BMERB1: variants seen among roughly 807,000 people sequenced by gnomAD.
BMERB1 encodes bMERB domain containing 1.
Under a neutral mutation model 23.6 loss-of-function variants are expected in BMERB1, and 12 were observed. The ratio of observed to expected loss-of-function variants is 0.51; its 90% CI spans 0.33 to 0.82. The LOEUF is 0.82. Ranked by LOEUF, BMERB1 falls within the 40% of genes least tolerant of loss-of-function variation. The pLI is 0.03. For missense variants in BMERB1, 247 were observed against 255.4 expected (o/e 0.97, Z 0.22); for synonymous variants, 122 against 96.6 (o/e 1.26, Z -1.54).
intron 2 of BMERB1, among the ~76,000 whole-genome samples, chr16:15,554,925 C>G (rs2030210726): frequency 6.6e-6 from 1 of 152,106 alleles, no homozygotes; most frequent in Admixed American, 6.6e-5. Context: ...CTCGGCCTCC[C>G]AAAGTGCTGG....
At chr16:15,534,286 CAAAAAAAAAAA>C (rs1168488547) in intron 2 of BMERB1, among the ~76,000 whole-genome samples, 9 of 41,962 alleles carry the variant, frequency 2.1e-4, no homozygotes, top group East Asian at 4.3e-3. Flanking sequence ...TTTTTAATTG[CAAAAAAAAAAA>C]AAAAAAAAAA....
At chr16:15,558,714 G>A (rs2030337557) in intron 2 of BMERB1, among the ~76,000 whole-genome samples, 1 of 151,938 alleles carries the variant, frequency 6.6e-6, no homozygotes, top group African/African-American at 2.4e-5. Context: ...AAGCCGGTGG[G>A]GGGGTTAGGT....
intron 2 of BMERB1, among the ~76,000 whole-genome samples, chr16:15,542,672 GATAAGATACAT>G (rs2052097892): frequency 7.3e-6 from 1 of 136,404 alleles, no homozygotes; most frequent in African/African-American, 2.9e-5. Flanking sequence ...GAGCAGATGA[GATAAGATACAT>G]AAAAAAGATA....
chr16:15,474,157 C>A (rs1482770165), intron 1 of BMERB1, among the ~76,000 whole-genome samples: 1 of 150,152 alleles, frequency 6.7e-6, no homozygotes, highest in African/African-American at 2.4e-5. Flanking sequence ...CTTTCTGAAT[C>A]CATTCAAGAT....
intron 2 of BMERB1, among the ~76,000 whole-genome samples, chr16:15,548,832 G>A (rs961818134): frequency 6.6e-6 from 1 of 152,194 alleles, no homozygotes; most frequent in African/African-American, 2.4e-5. Flanking sequence ...ACTCTGATGG[G>A]AATTGCCAGT....
chr16:15,465,172 G>A (rs2051170231), intron 1 of BMERB1, among the ~76,000 whole-genome samples: 1 of 151,916 alleles, frequency 6.6e-6, no homozygotes, highest in Non-Finnish European at 1.5e-5. Context: ...ATCTGAATAA[G>A]GTCAGTTATG....
At chr16:15,550,711 C>T (rs2030064403) in intron 2 of BMERB1, among the ~76,000 whole-genome samples, 1 of 152,070 alleles carries the variant, frequency 6.6e-6, no homozygotes, top group African/African-American at 2.4e-5. Context: ...AAGATGACAG[C>T]CTGGTATATC....
Position 15,537,004 on chromosome 16 carries a change from TG to T in BMERB1, c.230+21577del, listed in dbSNP as rs2052031728. 3.9e-5 allele frequency: 6 copies of T among 152,336 alleles called. No individual in the cohort carries two copies. In the South Asian group the frequency reaches 1.2e-3, roughly 32 times the overall value. The allele number at this position is 152,336 out of a possible 1,614,324, so 9.4% of individuals were successfully genotyped here. A position where few individuals can be genotyped will look rare whatever the true frequency, so the allele number is the denominator to read the frequency against. On this transcript the variant is annotated intron_variant, in intron 2 of 5. Transcript: ENST00000300006. ...GCAGTGGGAGCCTCTCTCTCTCCCC[TG>T]TAGCCTAGGATCGTGATCAGAATCA...
chr16:15,442,069 G>A (rs2150921010), intron 1 of BMERB1, among the ~76,000 whole-genome samples: 1 of 152,272 alleles, frequency 6.6e-6, no homozygotes, highest in South Asian at 2.1e-4. Context: ...AGTGGCTGAA[G>A]CCTGTAATCC....
intron 2 of BMERB1, among the ~76,000 whole-genome samples, chr16:15,522,011 C>T (rs2051858717): frequency 6.6e-6 from 1 of 152,176 alleles, no homozygotes. Context: ...CTTCTTGCAG[C>T]CCCTCTGGCT....
intron 1 of BMERB1, among the ~76,000 whole-genome samples, chr16:15,479,003 T>C (rs962641798): frequency 2.0e-5 from 3 of 152,228 alleles, no homozygotes; most frequent in African/African-American, 7.2e-5. Context: ...TTTTGTTTTT[T>C]GTTTGCGTAG....
intron 5 of BMERB1, 95 bp downstream of exon 5, chr16:15,583,333 T>C (rs1322287888): frequency 9.9e-7 from 1 of 1,009,492 alleles, no homozygotes; most frequent in Non-Finnish European, 1.6e-6. Context: ...ATCCCAGCAC[T>C]ATGAGAGGCC....
chr16:15,506,745 GC>G (rs2051596478), intron 1 of BMERB1, among the ~76,000 whole-genome samples: 1 of 151,786 alleles, frequency 6.6e-6, no homozygotes, highest in Admixed American at 6.6e-5. Context: ...ACACATGGTT[GC>G]GTTTCTTCCT....
intron 1 of BMERB1, among the ~76,000 whole-genome samples, chr16:15,495,215 T>C: frequency 6.6e-6 from 1 of 151,862 alleles, no homozygotes; most frequent in Non-Finnish European, 1.5e-5. Flanking sequence ...ATTATTATTG[T>C]TGTTGTTTGA....
chr16:15,523,503 A>G (rs1459025914), intron 2 of BMERB1, among the ~76,000 whole-genome samples: 1 of 152,160 alleles, frequency 6.6e-6, no homozygotes, highest in Non-Finnish European at 1.5e-5. Flanking sequence ...TGTAGCATTT[A>G]AAGCGACCAT....
At chr16:15,481,167 C>T (rs192772521) in intron 1 of BMERB1, among the ~76,000 whole-genome samples, 12 of 152,008 alleles carry the variant, frequency 7.9e-5, no homozygotes, top group African/African-American at 2.7e-4. Context: ...AGAAAGTCAC[C>T]AAGTGGAAAA....
At position 15,539,725 on chromosome 16, in the gene BMERB1, C is replaced by T. The variant is rs1433121855; in HGVS notation, c.230+24297C>T. Among the ~76,000 whole-genome samples, 7 of 151,836 alleles carry T rather than the reference C, an allele frequency of 4.6e-5. No homozygotes were observed. In the East Asian group the frequency reaches 1.3e-3, roughly 29 times the overall value. On this transcript the variant is annotated intron_variant, in intron 2 of 5. Coordinates refer to ENST00000300006, the MANE Select transcript of BMERB1 (RefSeq NM_033201.3). Reference sequence around the variant, plus strand: ...GGGCGTGGTGGTGCACACCTGTAGTCCCAGCTACTTGGAAGGCTGAGGCAG... The same window carrying T: ...GGGCGTGGTGGTGCACACCTGTAGTTCCAGCTACTTGGAAGGCTGAGGCAG...
At chr16:15,508,670 A>C (rs1255617711) in intron 1 of BMERB1, among the ~76,000 whole-genome samples, 1 of 151,874 alleles carries the variant, frequency 6.6e-6, no homozygotes, top group African/African-American at 2.4e-5. Flanking sequence ...CAAATAGTAC[A>C]AAAAAAGTCA....
chr16:15,445,264 G>C (rs1274507753), intron 1 of BMERB1, among the ~76,000 whole-genome samples: 2 of 152,218 alleles, frequency 1.3e-5, no homozygotes, highest in Non-Finnish European at 2.9e-5. Context: ...TAGGATAGCT[G>C]AGAATTCCTT....
Sources: gnomAD v4.1 joint callset for allele counts (sites outside exome capture counted in the v4.1 genomes callset) on GRCh38, gnomAD v4.1.1 for gene constraint, MANE v1.5 for transcripts, NCBI Gene and HGNC (gene_info 2026-07-23, HGNC 2026-07-21) for gene names.